SRD5A2: variants seen among roughly 807,000 people sequenced by gnomAD.
The protein encoded by SRD5A2 is steroid 5 alpha-reductase 2.
In SRD5A2, 30 loss-of-function variants were observed where a neutral mutation model predicts 27.4. The observed-to-expected ratio is 1.10, with a 90% CI of 0.82 to 1.49. The LOEUF (loss-of-function observed/expected upper bound fraction) is 1.49. SRD5A2 is among the 40% of genes most tolerant of loss of function. The probability of loss-of-function intolerance (pLI) is 0.00; values close to 1 mark genes in which losing one functional copy is unlikely to be tolerated. For synonymous variants in SRD5A2, 141 were observed against 133.6 expected (o/e 1.06, Z -0.38); for missense variants, 348 against 323.4 (o/e 1.08, Z -0.58).
Position 31,533,586 on chromosome 2 carries a change from T to G in SRD5A2, c.445+17A>C, listed in dbSNP as rs1439284952. 6.5e-7 allele frequency: 1 copy of G among 1,550,172 alleles called. No individual in the cohort carries two copies. Among genetic ancestry groups the G allele is most frequent in the Non-Finnish European group, 8.7e-7 (1 of 1,146,122 alleles). On this transcript the variant is annotated intron_variant, in intron 2 of 4. Transcript: ENST00000622030. Reference sequence around the variant, plus strand: ...TGTTAGCTGGGAAGTAGGTGAGAAGTGGGCAGATTCACTTACCCAAGCTAA... The same window carrying G: ...TGTTAGCTGGGAAGTAGGTGAGAAGGGGGCAGATTCACTTACCCAAGCTAA...
At chr2:31,659,609 G>A in the SRD5A2 span, among the ~76,000 whole-genome samples, 1 of 152,016 alleles carries the variant, frequency 6.6e-6, no homozygotes, top group South Asian at 2.1e-4. Flanking sequence ...AAAATACCTA[G>A]GAATACAGCT....
intron 1 of SRD5A2, among the ~76,000 whole-genome samples, chr2:31,557,151 A>C (rs1253358420): frequency 1.3e-5 from 2 of 152,218 alleles, no homozygotes; most frequent in Non-Finnish European, 2.9e-5. Context: ...ACATGTCCAC[A>C]TCAGAGGATT....
intron 1 of SRD5A2, among the ~76,000 whole-genome samples, chr2:31,537,529 C>T (rs1158993302): frequency 6.6e-6 from 1 of 152,152 alleles, no homozygotes; most frequent in Admixed American, 6.6e-5. Flanking sequence ...TCCAGCACAC[C>T]ACACTCTCTT....
At chr2:31,662,827 G>A in the SRD5A2 span, among the ~76,000 whole-genome samples, 1 of 152,122 alleles carries the variant, frequency 6.6e-6, no homozygotes, top group Non-Finnish European at 1.5e-5. Flanking sequence ...TAGCCTTCTA[G>A]CTCTTGTTTC....
the SRD5A2 span, among the ~76,000 whole-genome samples, chr2:31,607,801 T>C: frequency 1.3e-5 from 2 of 152,016 alleles, no homozygotes; most frequent in African/African-American, 2.4e-5. Flanking sequence ...GTTTGTATCC[T>C]CCAAAATTCA....
At chr2:31,647,077 G>A in the SRD5A2 span, among the ~76,000 whole-genome samples, 1 of 150,986 alleles carries the variant, frequency 6.6e-6, no homozygotes. Flanking sequence ...TCTGAGAGGT[G>A]GAGGTTGCAG....
rs771766738 is a variant in SRD5A2, at chr2:31,533,748, C to T, written c.300G>A (p.Leu100=). Residue 100 remains leucine (L), a synonymous_variant, in exon 2 of 5, where the codon CTG becomes CTA. Transcript: ENST00000622030. ...CTGGATAAGGCCTCCCTCGATTGAGCAGTGAGTACACAAATGTCCTGGGAC... is the reference window on the plus strand; with the variant it reads ...CTGGATAAGGCCTCCCTCGATTGAGTAGTGAGTACACAAATGTCCTGGGAC... The part of the protein sequence containing the change: ...HYFHRTFVYS[L]LNRGRPYPAI... The T allele has an allele frequency of 3.7e-6, 6 of 1,603,578 alleles. No individual in the cohort carries two copies. In the South Asian group the frequency reaches 6.8e-5, roughly 18 times the overall value.
the SRD5A2 span, among the ~76,000 whole-genome samples, chr2:31,661,233 C>A: frequency 6.6e-6 from 1 of 152,142 alleles, no homozygotes; most frequent in Non-Finnish European, 1.5e-5. Context: ...TTCCATTTGA[C>A]AAGTAGAGCT....
At chr2:31,551,332 A>T (rs1013755599) in intron 1 of SRD5A2, among the ~76,000 whole-genome samples, 34 of 152,148 alleles carry the variant, frequency 2.2e-4, no homozygotes, top group Non-Finnish European at 4.1e-4. Context: ...AAATATAGAC[A>T]AGATAATTCT....
rs28383067 is a variant in SRD5A2 at position 31,529,240 on chromosome 2, G to A, written c.698+67C>T. On this transcript the variant is annotated intron_variant, in intron 4 of 4. Transcript: ENST00000622030. ...CTTCGGTTTCTCAATCTTCCTCTGC[G>A]GGTTAAAAGCCTGTTTGGAGAAGAA... is the stretch of plus-strand genomic sequence containing the variant. The A allele has an allele frequency of 2.9e-3, 4,633 of 1,581,122 alleles. 16 individuals are homozygous for A. The highest frequency in any genetic ancestry group is 4.0e-3 in the Middle Eastern group (20 of 4,948).
the SRD5A2 span, among the ~76,000 whole-genome samples, chr2:31,660,508 A>C: frequency 1.3e-5 from 2 of 152,054 alleles, no homozygotes; most frequent in South Asian, 4.1e-4. Context: ...GTGAACCCTA[A>C]AGTAAACTTA....
At chr2:31,550,274 C>T (rs879906469) in intron 1 of SRD5A2, among the ~76,000 whole-genome samples, 3 of 151,792 alleles carry the variant, frequency 2.0e-5, no homozygotes, top group Non-Finnish European at 2.9e-5. Flanking sequence ...ATATCCTTGT[C>T]CAGATGGCTT....
At chr2:31,580,963 C>A, upstream of SRD5A2, 2 of 1,509,404 alleles carry the variant, frequency 1.3e-6, no homozygotes, top group Admixed American at 1.9e-5. Context: ...CCCGCAACCC[C>A]TTTATGGAGC....
At position 31,523,819 on chromosome 2, in the gene SRD5A2, T is replaced by A; in HGVS notation, c.*2377A>T. 2 of 220,398 alleles carry A rather than the reference T, an allele frequency of 9.1e-6. No homozygotes were observed. The highest frequency in any genetic ancestry group is 1.8e-5 in the Non-Finnish European group (2 of 109,918). 13.7% of individuals were successfully genotyped at this position (220,398 alleles called of 1,614,324 possible). A position where few individuals can be genotyped will look rare whatever the true frequency, so the allele number is the denominator to read the frequency against. ...AGACCTTTACTGTATTTAATCCACA[T>A]ACATATCCTAGCCCTAAACAATGAC... On this transcript the variant is annotated 3_prime_UTR_variant, in exon 5 of 5. Transcript: ENST00000622030.
At chr2:31,611,624 A>T in the SRD5A2 span, among the ~76,000 whole-genome samples, 2 of 152,232 alleles carry the variant, frequency 1.3e-5, no homozygotes, top group Non-Finnish European at 2.9e-5. Flanking sequence ...GCAAATTAAA[A>T]ACATAATTTC....
Position 31,532,325 on chromosome 2 carries a change from G to T in SRD5A2, c.446-853C>A, listed in dbSNP as rs574023537. 5.9e-5 allele frequency among the ~76,000 whole-genome samples: 9 copies of T among 151,838 alleles called. No individual in the cohort carries two copies. The South Asian group carries it at 1.5e-3, about 25-fold the overall frequency. On this transcript the variant is annotated intron_variant, in intron 2 of 4. Transcript: ENST00000622030. ...AAATAACGTGAGCTAGTTTGGAGGC[G>T]TGGCCACTAACAAACTGACTTCCAT...
At chr2:31,536,768 C>T (rs1268021136) in intron 1 of SRD5A2, among the ~76,000 whole-genome samples, 2 of 152,156 alleles carry the variant, frequency 1.3e-5, no homozygotes, top group African/African-American at 4.8e-5. Context: ...AAGAGGCTGG[C>T]AATTGGTGCT....
chr2:31,659,011 C>T, the SRD5A2 span, among the ~76,000 whole-genome samples: 7 of 152,154 alleles, frequency 4.6e-5, no homozygotes, highest in Non-Finnish European at 8.8e-5. Context: ...AGTTAATCCA[C>T]CACGATCAAG....
the SRD5A2 span, among the ~76,000 whole-genome samples, chr2:31,616,714 C>G: frequency 6.6e-6 from 1 of 152,138 alleles, no homozygotes; most frequent in Admixed American, 6.6e-5. Flanking sequence ...AGGGACTTGC[C>G]TTGCTTCAGA....
Sources: allele counts gnomAD v4.1 joint callset (sites outside exome capture counted in the v4.1 genomes callset), GRCh38; gene constraint gnomAD v4.1.1; transcripts MANE v1.5; gene names NCBI Gene and HGNC (gene_info 2026-07-23, HGNC 2026-07-21).